The following IL1RAPL1 variants were observed in gnomAD, a reference collection of about 807,000 sequenced individuals.
IL1RAPL1 encodes interleukin 1 receptor accessory protein like 1.
IL1RAPL1 carries 3 observed loss-of-function variants against 48.4 expected under a neutral mutation model. The observed-to-expected ratio is 0.06, with a 90% CI of 0.03 to 0.16. The LOEUF is 0.16. IL1RAPL1 is among the 10% of genes least tolerant of loss of function. The probability of loss-of-function intolerance (pLI) is 1.00; values close to 1 mark genes in which losing one functional copy is unlikely to be tolerated. For missense variants in IL1RAPL1, 349 were observed against 530.6 expected, an observed-to-expected ratio of 0.66 and a Z score of 3.36; for synonymous variants, 185 against 187.7, an observed-to-expected ratio of 0.99 and a Z score of 0.12.
chrX:28,952,813 A>G (rs932784825), intron 2 of IL1RAPL1, among the ~76,000 whole-genome samples: 2 of 111,743 alleles, frequency 1.8e-5, no homozygotes, highest in Non-Finnish European at 3.8e-5. Context: ...CAGATCTTCA[A>G]TATAATGATA....
chrX:29,940,886 GA>G (rs1300122842), intron 8 of IL1RAPL1, among the ~76,000 whole-genome samples: 2 of 111,791 alleles, frequency 1.8e-5, no homozygotes, highest in African/African-American at 6.5e-5. Flanking sequence ...ACGGTTGAAT[GA>G]AAATAAAACA....
chrX:29,069,233 G>A (rs951250903), intron 2 of IL1RAPL1, among the ~76,000 whole-genome samples: 1 of 111,666 alleles, frequency 9.0e-6, no homozygotes, highest in African/African-American at 3.3e-5. Context: ...AGTGCATAGT[G>A]AAATGTTTTG....
Position 29,095,324 on chromosome X carries a change from T to A in IL1RAPL1, c.83-187614T>A, listed in dbSNP as rs535997934. On this transcript the variant is annotated intron_variant, in intron 2 of 10. Transcript: ENST00000378993. Reference sequence around the variant, plus strand: ...TACTATATTAGTCATTTGATGGTAGTCTGCAACTTCAGGGGCTCTGTCTTA... The same window carrying A: ...TACTATATTAGTCATTTGATGGTAGACTGCAACTTCAGGGGCTCTGTCTTA... Among the ~76,000 whole-genome samples, 3 of 111,584 alleles carry A rather than the reference T, an allele frequency of 2.7e-5. No homozygotes were observed. In the South Asian group the frequency reaches 1.1e-3, roughly 42 times the overall value.
At chrX:28,821,615 C>T (rs1160622725) in intron 2 of IL1RAPL1, among the ~76,000 whole-genome samples, 4 of 110,947 alleles carry the variant, frequency 3.6e-5, no homozygotes, top group Non-Finnish European at 7.6e-5. Flanking sequence ...AAACTTTTTT[C>T]CTTTGCAAGT....
chrX:29,221,642 C>G (rs866914316), intron 2 of IL1RAPL1, among the ~76,000 whole-genome samples: 10 of 86,412 alleles, frequency 1.2e-4, no homozygotes, highest in African/African-American at 4.9e-4. Flanking sequence ...CACACACACA[C>G]ACACACACAC....
chrX:29,666,808 AG>A (rs1926013199), intron 5 of IL1RAPL1, among the ~76,000 whole-genome samples: 1 of 111,256 alleles, frequency 9.0e-6, no homozygotes, highest in Non-Finnish European at 1.9e-5. Context: ...GTAACTACAT[AG>A]TCACAAGATT....
At chrX:28,687,706 C>T (rs1386227931) in intron 1 of IL1RAPL1, among the ~76,000 whole-genome samples, 2 of 109,374 alleles carry the variant, frequency 1.8e-5, no homozygotes, top group Non-Finnish European at 3.8e-5. Context: ...GGCATGAACC[C>T]GGGAGGCGGA....
At chrX:29,903,893 A>G (rs921639546) in intron 6 of IL1RAPL1, among the ~76,000 whole-genome samples, 3 of 112,202 alleles carry the variant, frequency 2.7e-5, no homozygotes, top group East Asian at 2.8e-4. Flanking sequence ...ACAGGTATCA[A>G]CTGGAGGCAG....
chrX:29,911,863 G>A (rs958991790), intron 6 of IL1RAPL1, among the ~76,000 whole-genome samples: 1 of 111,549 alleles, frequency 9.0e-6, no homozygotes, highest in Non-Finnish European at 1.9e-5. Context: ...AATGTATGGA[G>A]TAAATACTCC....
intron 2 of IL1RAPL1, among the ~76,000 whole-genome samples, chrX:28,924,658 C>T (rs1200972459): frequency 9.0e-6 from 1 of 111,389 alleles, no homozygotes; most frequent in African/African-American, 3.3e-5. Flanking sequence ...AAACATGAAT[C>T]CTGGAAAAGA....
intron 1 of IL1RAPL1, chrX:28,659,321 CG>C (rs1042172201): frequency 3.6e-6 from 2 of 550,518 alleles, no homozygotes; most frequent in South Asian, 2.4e-5. Flanking sequence ...ACTAATTTCA[CG>C]AAGTGCCACA....
chrX:29,415,300 G>T (rs181335638), intron 5 of IL1RAPL1, among the ~76,000 whole-genome samples: 258 of 111,989 alleles, frequency 2.3e-3, no homozygotes, highest in Non-Finnish European at 4.0e-3. Flanking sequence ...AAGTGAATTA[G>T]ATGTCTCAGT....
At chrX:29,855,831 C>G (rs1245051380) in intron 6 of IL1RAPL1, among the ~76,000 whole-genome samples, 1 of 110,638 alleles carries the variant, frequency 9.0e-6, no homozygotes, top group African/African-American at 3.3e-5. Flanking sequence ...TTAAAGCAAG[C>G]AGGACAATGT....
chrX:29,468,526 C>G (rs1269479215), intron 5 of IL1RAPL1, among the ~76,000 whole-genome samples: 1 of 104,403 alleles, frequency 9.6e-6, no homozygotes, highest in Non-Finnish European at 2.0e-5. Flanking sequence ...AAACAATCCT[C>G]CTAGGCATAG....
At chrX:29,429,576 AT>A (rs1183882911) in intron 5 of IL1RAPL1, among the ~76,000 whole-genome samples, 1 of 111,239 alleles carries the variant, frequency 9.0e-6, no homozygotes, top group African/African-American at 3.3e-5. Context: ...CCCTTGAGAT[AT>A]TTTCAGTGGT....
chrX:29,908,862 C>G (rs768729232), intron 6 of IL1RAPL1, among the ~76,000 whole-genome samples: 5 of 111,457 alleles, frequency 4.5e-5, no homozygotes, highest in African/African-American at 9.7e-5. Flanking sequence ...ATATATGAAG[C>G]CTTTATTTGG....
chrX:28,831,022 C>CTGTGTGTGTG (rs1569182008), intron 2 of IL1RAPL1, among the ~76,000 whole-genome samples: 3 of 64,995 alleles, frequency 4.6e-5, no homozygotes, highest in African/African-American at 2.2e-4. Context: ...CTCTCTCTCT[C>CTGTGTGTGTG]TCTCTGTGTG....
At chrX:29,012,314 G>T (rs1276486783) in intron 2 of IL1RAPL1, among the ~76,000 whole-genome samples, 1 of 112,041 alleles carries the variant, frequency 8.9e-6, no homozygotes, top group Non-Finnish European at 1.9e-5. Context: ...AGGCTGAGGC[G>T]GGTAGATCGC....
At chrX:29,897,745 G>A (rs1261018494) in intron 6 of IL1RAPL1, among the ~76,000 whole-genome samples, 1 of 105,890 alleles carries the variant, frequency 9.4e-6, no homozygotes, top group Admixed American at 9.8e-5. Flanking sequence ...TACTCCCAAA[G>A]ATGATCGCTA....
Sources: allele counts gnomAD v4.1 joint callset (sites outside exome capture counted in the v4.1 genomes callset), GRCh38; gene constraint gnomAD v4.1.1; transcripts MANE v1.5; gene names NCBI Gene and HGNC (gene_info 2026-07-23, HGNC 2026-07-21).